Variants in NRXN3 observed in about 807,000 individuals in gnomAD.
NRXN3 encodes the protein neurexin 3.
Under a neutral mutation model 137.6 loss-of-function variants are expected in NRXN3, and 32 were observed. The observed-to-expected ratio is 0.23, with a 90% CI of 0.18 to 0.31. NRXN3 has a LOEUF of 0.31. Among genes scored for constraint, NRXN3 ranks in the 10% least tolerant of loss-of-function variants. NRXN3 has a pLI of 1.00. For synonymous variants in NRXN3, 798 were observed against 784.5 expected (o/e 1.02, Z -0.29); for missense variants, 1,574 against 2,062.5 (o/e 0.76, Z 4.59).
chr14:79,494,549 A>G (rs957992953), intron 16 of NRXN3, among the ~76,000 whole-genome samples: 2 of 152,200 alleles, frequency 1.3e-5, no homozygotes. Flanking sequence ...GCAAGGGACC[A>G]AAAAGGGTAC....
At chr14:78,189,937 C>T (rs983841456) in intron 1 of NRXN3, among the ~76,000 whole-genome samples, 10 of 152,292 alleles carry the variant, frequency 6.6e-5, no homozygotes, top group South Asian at 2.1e-4. Flanking sequence ...GCACTCTGGC[C>T]GTCCTTACCG....
At position 79,328,515 on chromosome 14, in the gene NRXN3, C is replaced by T. The variant is rs572676810; in HGVS notation, c.3263-138706C>T. On this transcript the variant is annotated intron_variant, in intron 15 of 20. Transcript: ENST00000335750. ...GGGTCCCTTTTTCAAAAAGCAATAA[C>T]GAAGTGCCATGAGAAGTACTTAAAA... Among the ~76,000 whole-genome samples the T allele has an allele frequency of 2.6e-4, 39 of 152,250 alleles. No homozygotes were observed. In the South Asian group the frequency reaches 3.5e-3, roughly 14 times the overall value.
intron 15 of NRXN3, among the ~76,000 whole-genome samples, chr14:79,182,128 CTTAT>C (rs1189712949): frequency 2.0e-5 from 3 of 151,666 alleles, no homozygotes; most frequent in African/African-American, 7.3e-5. Context: ...ATTTTATGTC[CTTAT>C]TAATACTTAC....
chr14:79,324,293 A>G (rs907434867), intron 15 of NRXN3, among the ~76,000 whole-genome samples: 1 of 152,226 alleles, frequency 6.6e-6, no homozygotes, highest in African/African-American at 2.4e-5. Flanking sequence ...TGAAAAGCAG[A>G]TTTAAAAAAT....
At chr14:79,588,923 C>T (rs1353051055) in intron 16 of NRXN3, among the ~76,000 whole-genome samples, 1 of 152,102 alleles carries the variant, frequency 6.6e-6, no homozygotes, top group Non-Finnish European at 1.5e-5. Flanking sequence ...ATTCTTTGTG[C>T]TAACAAACAA....
chr14:79,723,180 T>G (rs534423393), intron 19 of NRXN3, among the ~76,000 whole-genome samples: 19 of 152,146 alleles, frequency 1.2e-4, no homozygotes, highest in Non-Finnish European at 1.9e-4. Context: ...ATATCTTGCC[T>G]TTATAGCTAG....
intron 15 of NRXN3, among the ~76,000 whole-genome samples, chr14:79,169,024 C>T (rs1029798463): frequency 6.6e-6 from 1 of 152,074 alleles, no homozygotes; most frequent in Non-Finnish European, 1.5e-5. Context: ...TGGTTAGTGG[C>T]TGGCTTGCTT....
At position 78,182,426 on chromosome 14, in the gene NRXN3, G is replaced by A. The variant is rs554107044; in HGVS notation, c.-704+11752G>A. Among the ~76,000 whole-genome samples, 6 of 152,182 alleles carry A rather than the reference G, an allele frequency of 3.9e-5. No individual in the cohort carries two copies. In the East Asian group the frequency reaches 1.2e-3, roughly 29 times the overall value. On this transcript the variant is annotated intron_variant, in intron 1 of 20. Transcript: ENST00000335750. ...GGAAAGTACTGATAATCCTGGCCAC[G>A]TGTGGAGCTCTTAGATGCTAGGCAC...
chr14:78,962,723 T>TG (rs1001920050), intron 11 of NRXN3, among the ~76,000 whole-genome samples: 20 of 126,286 alleles, frequency 1.6e-4, no homozygotes, highest in African/African-American at 8.3e-4. Flanking sequence ...TCTTTCTTTC[T>TG]TTTTTTTTGA....
intron 15 of NRXN3, among the ~76,000 whole-genome samples, chr14:79,402,712 C>T (rs576319617): frequency 5.3e-5 from 8 of 152,226 alleles, no homozygotes; most frequent in East Asian, 1.9e-4. Flanking sequence ...AAGGGATTGT[C>T]GGGATGGGCT....
At chr14:78,841,477 GC>G (rs1207657486) in intron 10 of NRXN3, among the ~76,000 whole-genome samples, 1 of 151,958 alleles carries the variant, frequency 6.6e-6, no homozygotes, top group African/African-American at 2.4e-5. Context: ...TTGTGACTAT[GC>G]CCACTGTCTG....
intron 10 of NRXN3, among the ~76,000 whole-genome samples, chr14:78,859,868 T>C (rs31363): frequency 0.16 from 24,482 of 152,090 alleles, 3,671 homozygotes; most frequent in African/African-American, 0.4. Context: ...ACATGTTTAT[T>C]ACTCTCACTT....
intron 15 of NRXN3, among the ~76,000 whole-genome samples, chr14:79,359,752 G>C (rs1281898111): frequency 6.6e-6 from 1 of 151,788 alleles, no homozygotes; most frequent in African/African-American, 2.4e-5. Flanking sequence ...TGTATTTTTA[G>C]TAGACATGGG....
At chr14:78,367,816 G>T (rs946490920) in intron 4 of NRXN3, among the ~76,000 whole-genome samples, 3 of 152,172 alleles carry the variant, frequency 2.0e-5, no homozygotes, top group Non-Finnish European at 2.9e-5. Flanking sequence ...CTTCTCAAAG[G>T]CTTGCTTCCA....
chr14:78,224,185 C>CT (rs11415590), intron 1 of NRXN3, among the ~76,000 whole-genome samples: 54,281 of 147,216 alleles, frequency 0.37, 10,013 homozygotes, highest in Middle Eastern at 0.43. Context: ...CTCAACAAGA[C>CT]TTTTTTTTTT....
chr14:78,656,681 G>A (rs751371545), intron 6 of NRXN3, among the ~76,000 whole-genome samples: 8 of 152,082 alleles, frequency 5.3e-5, no homozygotes, highest in Non-Finnish European at 7.4e-5. Flanking sequence ...GAGGAGTAAT[G>A]TTAATTCATC....
chr14:78,513,700 T>C (rs1443925566), intron 4 of NRXN3, among the ~76,000 whole-genome samples: 1 of 152,158 alleles, frequency 6.6e-6, no homozygotes, highest in Non-Finnish European at 1.5e-5. Flanking sequence ...GATTGAAATA[T>C]TTTATGGTGG....
intron 19 of NRXN3, among the ~76,000 whole-genome samples, chr14:79,803,715 A>G (rs2099190899): frequency 6.6e-6 from 1 of 152,018 alleles, no homozygotes; most frequent in Admixed American, 6.6e-5. Flanking sequence ...GCAAGCCACA[A>G]ACACAGAATT....
At chr14:78,716,003 G>A (rs558604501) in intron 8 of NRXN3, among the ~76,000 whole-genome samples, 1 of 152,204 alleles carries the variant, frequency 6.6e-6, no homozygotes, top group South Asian at 2.1e-4. Context: ...TGGACTGGAT[G>A]CTTTGTTCCC....
Sources: gnomAD v4.1 joint callset for allele counts (sites outside exome capture counted in the v4.1 genomes callset) on GRCh38, gnomAD v4.1.1 for gene constraint, MANE v1.5 for transcripts, NCBI Gene and HGNC (gene_info 2026-07-23, HGNC 2026-07-21) for gene names.